The following CDH13 variants were observed in gnomAD, a reference collection of about 807,000 sequenced individuals.
The protein encoded by CDH13 is cadherin-13.
A neutral mutation model predicts 63.8 loss-of-function variants in CDH13; 24 were observed. The observed-to-expected ratio is 0.38, with a 90% CI of 0.27 to 0.53. The LOEUF is 0.53. Among genes scored for constraint, CDH13 ranks in the 20% least tolerant of loss-of-function variants. The pLI, the probability that CDH13 is intolerant of heterozygous loss-of-function variation, is 0.85. For synonymous variants in CDH13, 503 were observed against 355.3 expected, an observed-to-expected ratio of 1.42 and a Z score of -4.67; for missense variants, 1,049 against 903.1, an observed-to-expected ratio of 1.16 and a Z score of -2.07.
chr16:83,300,105 A>C (rs975531200), intron 5 of CDH13, among the ~76,000 whole-genome samples: 1 of 152,226 alleles, frequency 6.6e-6, no homozygotes, highest in African/African-American at 2.4e-5. Flanking sequence ...CTCAAAGGGA[A>C]GAGATTACCC....
At chr16:83,406,968 T>C (rs1309187239) in intron 6 of CDH13, among the ~76,000 whole-genome samples, 2 of 152,248 alleles carry the variant, frequency 1.3e-5, no homozygotes, top group Non-Finnish European at 2.9e-5. Context: ...TCATAGTAAT[T>C]GCTTTCTAAA....
intron 6 of CDH13, among the ~76,000 whole-genome samples, chr16:83,374,736 A>G (rs2091431074): frequency 6.6e-6 from 1 of 152,188 alleles, no homozygotes; most frequent in African/African-American, 2.4e-5. Flanking sequence ...TTTTCCACAC[A>G]CCTGAGAGTG....
intron 4 of CDH13, among the ~76,000 whole-genome samples, chr16:83,139,554 C>G (rs547090975): frequency 1.3e-5 from 2 of 152,230 alleles, no homozygotes; most frequent in South Asian, 2.1e-4. Flanking sequence ...ACAAGTGGTG[C>G]TTTTATTTTG....
In CDH13 at chr16:83,289,112, C is replaced by T. The variant is rs529365323; in HGVS notation, c.637-55750C>T. On this transcript the variant is annotated intron_variant, in intron 5 of 13. Coordinates refer to ENST00000567109, the MANE Select transcript of CDH13 (RefSeq NM_001257.5). The stretch of plus-strand genomic sequence containing the variant: ...AAAGAATCATGGGCTATTGCTTGCT[C>T]CTGGCCTACAAGAACCAAAAAAGAC... Among the ~76,000 whole-genome samples the T allele has an allele frequency of 5.3e-5, 8 of 152,306 alleles. No homozygotes were observed. The East Asian group carries it at 1.5e-3, about 29-fold the overall frequency.
chr16:83,611,105 C>T (rs573053701), intron 8 of CDH13, among the ~76,000 whole-genome samples: 84 of 152,208 alleles, frequency 5.5e-4, no homozygotes, highest in East Asian at 9.6e-4. Flanking sequence ...TTGGGTAATA[C>T]CTTTTCAAGT....
chr16:83,466,899 A>G (rs2073330442), intron 6 of CDH13, among the ~76,000 whole-genome samples: 1 of 152,178 alleles, frequency 6.6e-6, no homozygotes, highest in Non-Finnish European at 1.5e-5. Context: ...ATGCCAAGCC[A>G]AGCCCAATTA....
intron 7 of CDH13, among the ~76,000 whole-genome samples, chr16:83,542,917 G>C (rs555549883): frequency 6.6e-6 from 1 of 152,326 alleles, no homozygotes; most frequent in African/African-American, 2.4e-5. Context: ...CACATTCTGA[G>C]ATATTAAGGG....
At chr16:83,319,335 T>G (rs1008388533) in intron 5 of CDH13, among the ~76,000 whole-genome samples, 4 of 152,220 alleles carry the variant, frequency 2.6e-5, no homozygotes, top group African/African-American at 9.6e-5. Context: ...TCGGTGTTTC[T>G]CTGCCAGCAA....
At chr16:83,644,909 C>G (rs1191935825) in intron 8 of CDH13, among the ~76,000 whole-genome samples, 1 of 152,214 alleles carries the variant, frequency 6.6e-6, no homozygotes, top group African/African-American at 2.4e-5. Context: ...GCTGTAGCTC[C>G]TCTAGAATCC....
intron 1 of CDH13, among the ~76,000 whole-genome samples, chr16:82,775,513 C>G (rs979607149): frequency 6.6e-6 from 1 of 152,190 alleles, no homozygotes; most frequent in African/African-American, 2.4e-5. Flanking sequence ...GAAAGATGAG[C>G]TAAGCGTTTA....
chr16:82,941,673 T>G (rs996807978), intron 2 of CDH13, among the ~76,000 whole-genome samples: 1 of 152,154 alleles, frequency 6.6e-6, no homozygotes, highest in Non-Finnish European at 1.5e-5. Context: ...CACATTTTCT[T>G]TTGTTGCTTG....
chr16:82,988,147 G>A (rs1037238451), intron 2 of CDH13, among the ~76,000 whole-genome samples: 8 of 152,140 alleles, frequency 5.3e-5, no homozygotes, highest in African/African-American at 1.9e-4. Context: ...ATAACCCAGG[G>A]TCGTGTGTGT....
intron 5 of CDH13, among the ~76,000 whole-genome samples, chr16:83,223,538 C>G (rs2039759920): frequency 6.6e-6 from 1 of 152,212 alleles, no homozygotes; most frequent in Admixed American, 6.5e-5. Context: ...CCACTTTGCT[C>G]TGATGCTCAC....
chr16:82,973,367 G>A (rs529169458), intron 2 of CDH13, among the ~76,000 whole-genome samples: 8 of 152,332 alleles, frequency 5.3e-5, no homozygotes, highest in East Asian at 3.9e-4. Context: ...TTTAAAGCCT[G>A]TTTGGGTGTC....
chr16:83,233,809 C>T (rs1285603350), intron 5 of CDH13, among the ~76,000 whole-genome samples: 1 of 152,134 alleles, frequency 6.6e-6, no homozygotes, highest in Non-Finnish European at 1.5e-5. Context: ...ATCTTCTTTA[C>T]CATGTAACCT....
At chr16:82,864,842 A>C (rs1332822983) in intron 2 of CDH13, among the ~76,000 whole-genome samples, 1 of 152,200 alleles carries the variant, frequency 6.6e-6, no homozygotes, top group Admixed American at 6.5e-5. Context: ...CAAAGTCTCA[A>C]CTGAGACAAG....
chr16:83,217,962 A>G (rs2039589928), intron 5 of CDH13, among the ~76,000 whole-genome samples: 1 of 152,234 alleles, frequency 6.6e-6, no homozygotes, highest in South Asian at 2.1e-4. Context: ...CTAGCCATTT[A>G]AAATGCTTCT....
At chr16:83,525,886 G>C (rs2074948571) in intron 7 of CDH13, among the ~76,000 whole-genome samples, 1 of 152,178 alleles carries the variant, frequency 6.6e-6, no homozygotes. Flanking sequence ...TGAAGACAGA[G>C]GAGGGGCCAC....
At chr16:83,021,159 C>G (rs145756530) in intron 2 of CDH13, among the ~76,000 whole-genome samples, 14 of 152,274 alleles carry the variant, frequency 9.2e-5, no homozygotes, top group Non-Finnish European at 1.9e-4. Context: ...ACTTTCAAAT[C>G]CACTTACTCA....
Sources: gnomAD v4.1 joint callset for allele counts (sites outside exome capture counted in the v4.1 genomes callset) on GRCh38, gnomAD v4.1.1 for gene constraint, MANE v1.5 for transcripts, NCBI Gene and HGNC (gene_info 2026-07-23, HGNC 2026-07-21) for gene names.